The following DGKB variants were observed in gnomAD, a reference collection of about 807,000 sequenced individuals.
DGKB encodes the protein diacylglycerol kinase beta, also known as 90 kDa diacylglycerol kinase.
Under a neutral mutation model 114.3 loss-of-function variants are expected in DGKB, and 67 were observed. That is an observed-to-expected ratio of 0.59 (90% CI 0.48 to 0.72). The LOEUF is 0.72. Ranked by LOEUF, DGKB falls within the 30% of genes least tolerant of loss-of-function variation. The pLI is 0.00. For synonymous variants in DGKB, 398 were observed against 323.1 expected, an observed-to-expected ratio of 1.23 and a Z score of -2.49; for missense variants, 907 against 975.2, an observed-to-expected ratio of 0.93 and a Z score of 0.93.
chr7:14,954,428 A>C (rs984914333), intron 1 of DGKB, among the ~76,000 whole-genome samples: 4 of 152,038 alleles, frequency 2.6e-5, no homozygotes, highest in African/African-American at 9.7e-5. Flanking sequence ...CAAGGCCTCT[A>C]ATTTATCCTA....
At chr7:14,426,171 G>T (rs1005292029) in intron 21 of DGKB, among the ~76,000 whole-genome samples, 15 of 152,130 alleles carry the variant, frequency 9.9e-5, no homozygotes, top group African/African-American at 3.6e-4. Context: ...AAAGTTTTAT[G>T]AATTATTGGA....
intron 2 of DGKB, among the ~76,000 whole-genome samples, chr7:14,780,455 C>A (rs187414195): frequency 6.6e-6 from 1 of 152,270 alleles, no homozygotes; most frequent in African/African-American, 2.4e-5. Context: ...TATTTCTTAA[C>A]CAAATAGTGT....
intron 23 of DGKB, among the ~76,000 whole-genome samples, chr7:14,296,698 A>G (rs1802619789): frequency 6.7e-6 from 1 of 148,244 alleles, no homozygotes; most frequent in South Asian, 2.1e-4. Context: ...CTAAGATCAG[A>G]GCAGAACTGA....
In DGKB at chr7:14,164,194, A is replaced by G. The variant is rs1463159508; in HGVS notation, c.2304+12645T>C. ...TAAAGCATTTTCTTACTGTTTACAT[A>G]TGGGTTAGTCTTTTTCTTTCATCAC... On this transcript the variant is annotated intron_variant, in intron 25 of 25. Transcript: ENST00000402815. Among the ~76,000 whole-genome samples the G allele has an allele frequency of 2.0e-5, 3 of 152,202 alleles. No individual in the cohort carries two copies. The East Asian group carries it at 5.8e-4, about 29-fold the overall frequency.
chr7:14,295,152 C>T (rs566010443), intron 23 of DGKB, among the ~76,000 whole-genome samples: 3 of 152,000 alleles, frequency 2.0e-5, no homozygotes, highest in Non-Finnish European at 2.9e-5. Flanking sequence ...GGTTCTCTAT[C>T]GATATCTACT....
intron 23 of DGKB, among the ~76,000 whole-genome samples, chr7:14,246,118 T>C (rs1251973623): frequency 2.0e-5 from 3 of 152,184 alleles, no homozygotes; most frequent in Admixed American, 6.5e-5. Flanking sequence ...CTGGTTTGTC[T>C]GCAATGTTCA....
At position 14,613,401 on chromosome 7, in the gene DGKB, GC is replaced by G; in HGVS notation, c.1296del (p.Pro433LeufsTer7). ...VDGQGLQVTP[V>X]PGTHPLLVFV... ...AAAACTAAAAGTGGGTGAGTACCAGGCACAGGAGTGACCTATAAGAAAAGTT... is the reference window on the plus strand; with the variant it reads ...AAAACTAAAAGTGGGTGAGTACCAGGACAGGAGTGACCTATAAGAAAAGTT... On this transcript the variant is annotated frameshift_variant, in exon 16 of 26. Coordinates refer to ENST00000402815, the MANE Select transcript of DGKB (RefSeq NM_001350709.2). LOFTEE classifies it high-confidence loss of function. The G allele has an allele frequency of 6.4e-7, 1 of 1,561,174 alleles. No homozygotes were observed. Among genetic ancestry groups the G allele is most frequent in the Non-Finnish European group, 8.7e-7 (1 of 1,149,412 alleles).
At chr7:14,150,280 A>G (rs574483491) in intron 25 of DGKB, among the ~76,000 whole-genome samples, 5 of 152,222 alleles carry the variant, frequency 3.3e-5, no homozygotes, top group South Asian at 4.1e-4. Context: ...ATTTCTTTCA[A>G]AAAGAAGCAC....
At position 14,238,667 on chromosome 7, in the gene DGKB, AAG is replaced by A. The variant is rs375014301; in HGVS notation, c.2123-60518_2123-60517del. On this transcript the variant is annotated intron_variant, in intron 23 of 25. Coordinates refer to ENST00000402815, the MANE Select transcript of DGKB (RefSeq NM_001350709.2). The stretch of plus-strand genomic sequence containing the variant: ...TAAAGTTGTTGTCTTCTGTAGAGAG[AAG>A]AGAGGTGGACGTGAAGTTGAATCTA... Among the ~76,000 whole-genome samples the A allele has an allele frequency of 2.3e-3, 342 of 151,986 alleles. 3 individuals carry two copies. The highest frequency in any genetic ancestry group is 7.8e-3 in the African/African-American group (325 of 41,490).
At position 14,731,279 on chromosome 7, in the gene DGKB, C is replaced by A. The variant is rs190631238; in HGVS notation, c.322+4762G>T. On this transcript the variant is annotated intron_variant, in intron 5 of 25. Transcript: ENST00000402815. ...TAACTGTTTGAAAGATTTGGACATCCAGACAAAGTGTTCCATCTAAAATAC... is the reference window on the plus strand; with the variant it reads ...TAACTGTTTGAAAGATTTGGACATCAAGACAAAGTGTTCCATCTAAAATAC... Among the ~76,000 whole-genome samples the A allele has an allele frequency of 1.8e-3, 281 of 152,210 alleles. 1 individual carries two copies. The highest frequency in any genetic ancestry group is 0.014 in the Middle Eastern group (4 of 294).
At chr7:14,927,173 A>G (rs1007847858) in intron 1 of DGKB, among the ~76,000 whole-genome samples, 1 of 151,960 alleles carries the variant, frequency 6.6e-6, no homozygotes, top group Admixed American at 6.6e-5. Context: ...TATATAAATG[A>G]TGATTTAGAA....
At chr7:14,276,686 G>T (rs980678058) in intron 23 of DGKB, among the ~76,000 whole-genome samples, 2 of 151,884 alleles carry the variant, frequency 1.3e-5, no homozygotes, top group East Asian at 3.9e-4. Flanking sequence ...AAAAATAGTA[G>T]TTATTGATAT....
Position 14,473,104 on chromosome 7 carries a change from A to G in DGKB, c.1835+5057T>C, listed in dbSNP as rs551740944. Among the ~76,000 whole-genome samples the G allele has an allele frequency of 2.0e-5, 3 of 152,282 alleles. No individual in the cohort carries two copies. The South Asian group carries it at 6.2e-4, about 32-fold the overall frequency. On this transcript the variant is annotated intron_variant, in intron 21 of 25. Coordinates refer to ENST00000402815, the MANE Select transcript of DGKB (RefSeq NM_001350709.2). ...TTAATCCCCAAGACAATGGGGGAAA[A>G]TGTCTCCAGGGCATGTCAGAGACCT...
intron 19 of DGKB, 45 bp from the exon 20 acceptor site, chr7:14,574,417 T>C: frequency 6.5e-7 from 1 of 1,529,584 alleles, no homozygotes; most frequent in Non-Finnish European, 8.9e-7. Flanking sequence ...TCTAACCAAA[T>C]AAAAAAGCTG....
chr7:14,337,491 T>A (rs1810895839), intron 23 of DGKB, among the ~76,000 whole-genome samples: 1 of 152,126 alleles, frequency 6.6e-6, no homozygotes, highest in Admixed American at 6.6e-5. Context: ...CCATCAATCT[T>A]TTCCACTTTC....
chr7:14,442,058 TG>T (rs1830153476), intron 21 of DGKB, among the ~76,000 whole-genome samples: 1 of 151,998 alleles, frequency 6.6e-6, no homozygotes, highest in Non-Finnish European at 1.5e-5. Context: ...ATAAAATGAG[TG>T]GGAAACAGTT....
chr7:14,316,406 AAGAG>A (rs1306221425), intron 23 of DGKB, among the ~76,000 whole-genome samples: 3 of 123,924 alleles, frequency 2.4e-5, no homozygotes, highest in African/African-American at 9.5e-5. Context: ...TAAAGAAAAA[AAGAG>A]AGAAGAATCA....
intron 1 of DGKB, among the ~76,000 whole-genome samples, chr7:14,897,108 G>A (rs1044606938): frequency 6.6e-6 from 1 of 151,746 alleles, no homozygotes; most frequent in African/African-American, 2.4e-5. Context: ...ACTGATTCAT[G>A]TGGATTAGAA....
intron 23 of DGKB, among the ~76,000 whole-genome samples, chr7:14,313,281 G>C (rs543031666): frequency 5.3e-5 from 8 of 152,202 alleles, no homozygotes; most frequent in African/African-American, 1.9e-4. Context: ...CAAGATGGCC[G>C]AATAGGAACA....
Sources: allele counts gnomAD v4.1 joint callset (sites outside exome capture counted in the v4.1 genomes callset), GRCh38; gene constraint gnomAD v4.1.1; transcripts MANE v1.5; gene names NCBI Gene and HGNC (gene_info 2026-07-23, HGNC 2026-07-21).